The following PDE1A variants were observed in gnomAD, a reference collection of about 807,000 sequenced individuals.
PDE1A encodes dual specificity calcium/calmodulin-dependent 3',5'-cyclic nucleotide phosphodiesterase 1A.
Under a neutral mutation model 61.7 loss-of-function variants are expected in PDE1A, and 35 were observed. The observed-to-expected ratio is 0.57, with a 90% CI of 0.43 to 0.75. The LOEUF is 0.75. Among genes scored for constraint, PDE1A ranks in the 30% least tolerant of loss-of-function variants. PDE1A has a pLI of 0.00. For synonymous variants in PDE1A, 232 were observed against 213.2 expected (o/e 1.09, Z -0.77); for missense variants, 597 against 630.6 (o/e 0.95, Z 0.57).
At chr2:182,204,364 G>T (rs79437197) in intron 8 of PDE1A, among the ~76,000 whole-genome samples, 86 of 152,150 alleles carry the variant, frequency 5.7e-4, no homozygotes, top group African/African-American at 1.9e-3. Flanking sequence ...ATCCTCTTGG[G>T]CTACTATTTC....
At chr2:182,628,366 T>C in the PDE1A span, among the ~76,000 whole-genome samples, 1 of 152,220 alleles carries the variant, frequency 6.6e-6, no homozygotes, top group Non-Finnish European at 1.5e-5. Context: ...TTAACATTTT[T>C]TAATTTGGCA....
At chr2:182,560,392 C>A in the PDE1A span, among the ~76,000 whole-genome samples, 1 of 150,602 alleles carries the variant, frequency 6.6e-6, no homozygotes, top group Non-Finnish European at 1.5e-5. Context: ...AGGACATGAA[C>A]TCATCATTTT....
intron 11 of PDE1A, 46 bp from the exon 12 acceptor site, chr2:182,186,634 A>G: frequency 6.4e-7 from 1 of 1,551,576 alleles, no homozygotes; most frequent in South Asian, 1.2e-5. Context: ...TTCAAGTGTT[A>G]CAATTTCCTG....
At chr2:182,304,615 C>T (rs576618543) in intron 1 of PDE1A, among the ~76,000 whole-genome samples, 1 of 152,208 alleles carries the variant, frequency 6.6e-6, no homozygotes, top group East Asian at 1.9e-4. Flanking sequence ...AGAGGTCATT[C>T]TAAGGTTAAC....
At chr2:182,163,440 A>G (rs1327505991), downstream of PDE1A, among the ~76,000 whole-genome samples, 1 of 152,080 alleles carries the variant, frequency 6.6e-6, no homozygotes, top group Non-Finnish European at 1.5e-5. Context: ...CACCCTGTTC[A>G]CTTCATTGAT....
chr2:182,378,145 C>T (rs1194969778), intron 1 of PDE1A, among the ~76,000 whole-genome samples: 2 of 152,028 alleles, frequency 1.3e-5, no homozygotes, highest in African/African-American at 2.4e-5. Context: ...CGTGCCCGGC[C>T]CAGACATTTT....
chr2:182,334,306 A>ACT (rs2124978407), intron 1 of PDE1A, among the ~76,000 whole-genome samples: 1 of 151,240 alleles, frequency 6.6e-6, no homozygotes, highest in East Asian at 1.9e-4. Context: ...ACACACACAC[A>ACT]CCAAAAAAAA....
chr2:182,638,206 TAA>T, the PDE1A span, among the ~76,000 whole-genome samples: 1 of 152,166 alleles, frequency 6.6e-6, no homozygotes, highest in African/African-American at 2.4e-5. Context: ...ATTTATTCTA[TAA>T]GTCTAAAATT....
chr2:182,679,705 C>A, the PDE1A span, among the ~76,000 whole-genome samples: 9 of 152,204 alleles, frequency 5.9e-5, no homozygotes, highest in African/African-American at 2.2e-4. Context: ...ATTTCTAGAG[C>A]CATTTCATGA....
chr2:182,339,223 A>G (rs970448589), intron 1 of PDE1A, among the ~76,000 whole-genome samples: 1 of 152,162 alleles, frequency 6.6e-6, no homozygotes. Context: ...TGTTTAATAG[A>G]TTGTGAAGAC....
At chr2:182,513,860 A>G (rs77294053) in intron 2 of PDE1A, among the ~76,000 whole-genome samples, 1 of 152,272 alleles carries the variant, frequency 6.6e-6, no homozygotes, top group South Asian at 2.1e-4. Flanking sequence ...AGGGCATTAC[A>G]TAATGATAAA....
At chr2:182,426,520 AG>A in intron 1 of PDE1A, 57 bp downstream of exon 1, 1 of 1,176,718 alleles carries the variant, frequency 8.5e-7, no homozygotes, top group Non-Finnish European at 1.3e-6. Context: ...TTAAGGATGA[AG>A]GGAGAAACTA....
intron 1 of PDE1A, among the ~76,000 whole-genome samples, chr2:182,365,568 G>A (rs375715860): frequency 6.6e-6 from 1 of 151,986 alleles, no homozygotes; most frequent in Non-Finnish European, 1.5e-5. Context: ...ATTATCGGTT[G>A]TAAATTGCAG....
chr2:182,488,473 C>T (rs1160770084), intron 2 of PDE1A, among the ~76,000 whole-genome samples: 1 of 152,098 alleles, frequency 6.6e-6, no homozygotes, highest in Non-Finnish European at 1.5e-5. Context: ...CAGATATCCA[C>T]TTTATTTGGC....
At chr2:182,344,386 C>T (rs1002934554) in intron 1 of PDE1A, among the ~76,000 whole-genome samples, 2 of 152,120 alleles carry the variant, frequency 1.3e-5, no homozygotes, top group Non-Finnish European at 2.9e-5. Context: ...TTTGCTCTTA[C>T]TAATGGCTGC....
chr2:182,547,948 C>T, the PDE1A span, among the ~76,000 whole-genome samples: 8 of 151,840 alleles, frequency 5.3e-5, no homozygotes, highest in Non-Finnish European at 1.2e-4. Flanking sequence ...ATCGAGAAAC[C>T]GAGAAGTAGG....
the PDE1A span, among the ~76,000 whole-genome samples, chr2:182,649,607 C>CA: frequency 0.013 from 1,428 of 113,036 alleles, 30 homozygotes; most frequent in African/African-American, 0.036. Flanking sequence ...CCACTCTATA[C>CA]AAAAAAAAAA....
exon 11 of PDE1A, chr2:182,189,011 C>A (rs755544824): frequency 6.2e-7 from 1 of 1,612,992 alleles, no homozygotes; most frequent in East Asian, 2.2e-5. Flanking sequence ...GGTTGACTTC[C>A]GATCACAAAG....
chr2:182,531,841 C>A, the PDE1A span, among the ~76,000 whole-genome samples: 1 of 152,112 alleles, frequency 6.6e-6, no homozygotes, highest in South Asian at 2.1e-4. Flanking sequence ...CTAATACTAT[C>A]CCTCCCCCAG....
Sources: allele counts gnomAD v4.1 joint callset (sites outside exome capture counted in the v4.1 genomes callset), GRCh38; gene constraint gnomAD v4.1.1; transcripts MANE v1.5; gene names NCBI Gene and HGNC (gene_info 2026-07-23, HGNC 2026-07-21).